EFR3A: variants seen among roughly 807,000 people sequenced by gnomAD.
The protein encoded by EFR3A is EFR3 homolog A.
EFR3A carries 76 observed loss-of-function variants against 104.4 expected under a neutral mutation model. That is an observed-to-expected ratio of 0.73 (90% CI 0.60 to 0.88). The LOEUF is 0.88. Ranked by LOEUF, EFR3A falls within the 40% of genes least tolerant of loss-of-function variation. EFR3A has a pLI of 0.00. For missense variants in EFR3A, 985 were observed against 1,012.5 expected (o/e 0.97, Z 0.37); for synonymous variants, 330 against 330.0 (o/e 1.00, Z 0.00).
At chr8:131,949,827 C>G in intron 4 of EFR3A, 142 bp from the exon 5 acceptor site, 1 of 774,808 alleles carries the variant, frequency 1.3e-6, no homozygotes, top group Non-Finnish European at 2.0e-6. Flanking sequence ...AAGAAAGTTT[C>G]TTCTGTATTA....
intron 3 of EFR3A, among the ~76,000 whole-genome samples, chr8:131,945,788 T>C (rs1818406785): frequency 6.6e-6 from 1 of 152,108 alleles, no homozygotes; most frequent in African/African-American, 2.4e-5. Flanking sequence ...GTTGGGAACA[T>C]TTCAAGTCCT....
At chr8:132,003,182 A>G in intron 21 of EFR3A, 54 bp from the exon 22 acceptor site, 3 of 1,339,986 alleles carry the variant, frequency 2.2e-6, no homozygotes, top group Admixed American at 1.7e-5. Context: ...TGATATTATT[A>G]TATATAGATA....
In EFR3A at chr8:132,011,267, C is replaced by A. The variant is rs1309382727; in HGVS notation, c.*372C>A. The A allele has an allele frequency of 3.0e-6, 3 of 990,136 alleles. No individual in the cohort carries two copies. Among genetic ancestry groups the A allele is most frequent in the African/African-American group, 3.5e-5 (2 of 57,396 alleles). 61.3% of individuals were successfully genotyped at this position (990,136 alleles called of 1,614,324 possible). A position where few individuals can be genotyped will look rare whatever the true frequency, so the allele number is the denominator to read the frequency against. Reference sequence around the variant, plus strand: ...TATAAATTGTTTATCTCTTAAACATCTACACAGCCGCTTAGATGTAGAATT... The same window carrying A: ...TATAAATTGTTTATCTCTTAAACATATACACAGCCGCTTAGATGTAGAATT... On this transcript the variant is annotated 3_prime_UTR_variant, in exon 23 of 23. Coordinates refer to ENST00000254624, the MANE Select transcript of EFR3A (RefSeq NM_015137.6).
chr8:131,962,095 CT>C (rs1333353482), intron 8 of EFR3A, among the ~76,000 whole-genome samples: 1 of 152,226 alleles, frequency 6.6e-6, no homozygotes, highest in Non-Finnish European at 1.5e-5. Flanking sequence ...GTACCAGCCA[CT>C]GCAAAAACAT....
intron 19 of EFR3A, among the ~76,000 whole-genome samples, chr8:131,997,216 G>C (rs1413747000): frequency 6.6e-6 from 1 of 152,100 alleles, no homozygotes; most frequent in Non-Finnish European, 1.5e-5. Context: ...AGCATGTCAA[G>C]TCAACCTCCA....
intron 22 of EFR3A, among the ~76,000 whole-genome samples, chr8:132,006,623 A>G (rs1822069968): frequency 6.6e-6 from 1 of 152,110 alleles, no homozygotes; most frequent in African/African-American, 2.4e-5. Context: ...TACCAGTTTC[A>G]TACATATTCA....
At chr8:131,907,377 G>A (rs998007100) in intron 1 of EFR3A, among the ~76,000 whole-genome samples, 2 of 152,156 alleles carry the variant, frequency 1.3e-5, no homozygotes, top group African/African-American at 4.8e-5. Flanking sequence ...CCGGTAAAAT[G>A]TGCTCTTTTA....
chr8:131,906,406 A>T (rs1816267742), intron 1 of EFR3A, among the ~76,000 whole-genome samples: 1 of 152,254 alleles, frequency 6.6e-6, no homozygotes, highest in Non-Finnish European at 1.5e-5. Context: ...AGCCCAAGCC[A>T]GTTAATCCGT....
intron 8 of EFR3A, among the ~76,000 whole-genome samples, chr8:131,965,111 C>T (rs1039528223): frequency 3.9e-5 from 6 of 152,152 alleles, no homozygotes; most frequent in African/African-American, 9.7e-5. Flanking sequence ...ACCATAAAAA[C>T]CCTAGAAGAA....
chr8:131,905,779 A>C (rs1212698039), intron 1 of EFR3A, among the ~76,000 whole-genome samples: 2 of 152,234 alleles, frequency 1.3e-5, no homozygotes, highest in Non-Finnish European at 1.5e-5. Flanking sequence ...ATTTTCTGAG[A>C]AACCAAAGGG....
At chr8:131,923,525 A>G (rs560492558) in intron 1 of EFR3A, among the ~76,000 whole-genome samples, 14 of 149,144 alleles carry the variant, frequency 9.4e-5, no homozygotes, top group African/African-American at 3.2e-4. Flanking sequence ...TTTTTTGACA[A>G]ATTGGAAATG....
chr8:131,975,777 T>C (rs1232351374), intron 10 of EFR3A, among the ~76,000 whole-genome samples: 2 of 152,176 alleles, frequency 1.3e-5, no homozygotes, highest in Admixed American at 6.5e-5. Flanking sequence ...GTCACTGTTA[T>C]AATTATATAA....
chr8:131,918,704 A>G (rs1346197415), intron 1 of EFR3A, among the ~76,000 whole-genome samples: 1 of 152,234 alleles, frequency 6.6e-6, no homozygotes, highest in Non-Finnish European at 1.5e-5. Context: ...GGAATCTATA[A>G]GAAGAATCAA....
Position 131,940,498 on chromosome 8 carries a change from G to T in EFR3A, c.11-1G>T, listed in dbSNP as rs376806810. ...TTTCTTGATTTTTTTTTTTTTAACA[G>T]GAGTATGCTGCTGCTGTTCCGCTTT... On this transcript the variant is annotated splice_acceptor_variant, in intron 1 of 22. Coordinates refer to ENST00000254624, the MANE Select transcript of EFR3A (RefSeq NM_015137.6). LOFTEE classifies it high-confidence loss of function. 326 of 1,587,514 alleles carry T rather than the reference G, an allele frequency of 2.1e-4. 2 individuals are homozygous for T. The South Asian group carries it at 3.2e-3, about 16-fold the overall frequency.
intron 14 of EFR3A, 71 bp from the exon 15 acceptor site, chr8:131,984,068 A>G (rs1820749657): frequency 7.3e-7 from 1 of 1,369,856 alleles, no homozygotes. Context: ...CTGTAAAAGT[A>G]TATGCATGTG....
At position 131,968,365 on chromosome 8, in the gene EFR3A, GGGTTCGAGCAGGTATTATTCA is replaced by G; in HGVS notation, c.932_952del (p.Arg311_Val317del). On this transcript the variant is annotated inframe_deletion, in exon 9 of 23. Transcript: ENST00000254624. ...GATGCTCGTAAAAAAGATGCTCCCC[GGGTTCGAGCAGGTATTATTCA>G]GGTTCTGTTAGAGGCTGTTGCCATT... is the stretch of plus-strand genomic sequence containing the variant. The G allele has an allele frequency of 6.2e-7, 1 of 1,613,512 alleles. No homozygotes were observed. Among genetic ancestry groups the G allele is most frequent in the Admixed American group, 1.7e-5 (1 of 59,956 alleles).
At chr8:131,928,394 G>A (rs1302626967) in intron 1 of EFR3A, among the ~76,000 whole-genome samples, 2 of 152,070 alleles carry the variant, frequency 1.3e-5, no homozygotes, top group East Asian at 1.9e-4. Flanking sequence ...TTTTCCTTTT[G>A]TTGTTATTCT....
At chr8:131,937,936 C>T (rs1223548738) in intron 1 of EFR3A, among the ~76,000 whole-genome samples, 1 of 151,958 alleles carries the variant, frequency 6.6e-6, no homozygotes, top group Non-Finnish European at 1.5e-5. Flanking sequence ...TGTAAGTAGG[C>T]TTGCTTTCTT....
chr8:131,942,093 G>A (rs950862778), intron 2 of EFR3A, among the ~76,000 whole-genome samples: 2 of 151,998 alleles, frequency 1.3e-5, no homozygotes, highest in African/African-American at 2.4e-5. Flanking sequence ...GACAAGGAAG[G>A]CCTCTACTAT....
Sources: gnomAD v4.1 joint callset for allele counts (sites outside exome capture counted in the v4.1 genomes callset) on GRCh38, gnomAD v4.1.1 for gene constraint, MANE v1.5 for transcripts, NCBI Gene and HGNC (gene_info 2026-07-23, HGNC 2026-07-21) for gene names.